GNG2: variants seen among roughly 807,000 people sequenced by gnomAD.
GNG2 encodes guanine nucleotide-binding protein G(I)/G(S)/G(O) subunit gamma-2.
A neutral mutation model predicts 5.5 loss-of-function variants in GNG2; 5 were observed. That is an observed-to-expected ratio of 0.91 (90% confidence interval 0.48 to 1.92). GNG2 has a LOEUF of 1.92. Ranked by LOEUF, GNG2 falls within the 30% of genes most tolerant of loss-of-function variation. The pLI is 0.01. For synonymous variants in GNG2, 28 were observed against 32.0 expected, an observed-to-expected ratio of 0.88 and a Z score of 0.42; for missense variants, 55 against 88.4, an observed-to-expected ratio of 0.62 and a Z score of 1.52.
At chr14:51,949,135 AAG>A (rs1888820890) in intron 2 of GNG2, among the ~76,000 whole-genome samples, 1 of 151,772 alleles carries the variant, frequency 6.6e-6, no homozygotes, top group Admixed American at 6.6e-5. Flanking sequence ...AAAAAAAAAA[AAG>A]AAAAGAAATT....
chr14:51,909,454 TCTTC>T (rs1886157527), intron 2 of GNG2, among the ~76,000 whole-genome samples: 1 of 152,210 alleles, frequency 6.6e-6, no homozygotes, highest in Non-Finnish European at 1.5e-5. Context: ...GCCAATAACC[TCTTC>T]CTTCTAAAAT....
intron 2 of GNG2, among the ~76,000 whole-genome samples, chr14:51,938,262 CAGTT>C (rs1376648070): frequency 2.0e-5 from 3 of 152,322 alleles, no homozygotes; most frequent in Non-Finnish European, 2.9e-5. Flanking sequence ...AATAGAGTCA[CAGTT>C]GGTTGTATCC....
At chr14:51,932,889 C>G (rs946918113) in intron 2 of GNG2, among the ~76,000 whole-genome samples, 1 of 149,692 alleles carries the variant, frequency 6.7e-6, no homozygotes, top group African/African-American at 2.5e-5. Flanking sequence ...CTAGATTATC[C>G]TGGGGGGTGG....
At chr14:51,861,095 A>G (rs908181251) in intron 1 of GNG2, among the ~76,000 whole-genome samples, 4 of 152,166 alleles carry the variant, frequency 2.6e-5, no homozygotes, top group African/African-American at 9.7e-5. Context: ...GGGGCTGTGA[A>G]GCTGTGGTCT....
At chr14:51,842,185 C>T (rs1881501807) in intron 2 of GNG2, among the ~76,000 whole-genome samples, 1 of 152,182 alleles carries the variant, frequency 6.6e-6, no homozygotes, top group South Asian at 2.1e-4. Context: ...AGATATGAGA[C>T]TATTGTCCTG....
Position 51,887,084 on chromosome 14 carries a change from A to C in GNG2, c.-30+9427A>C, listed in dbSNP as rs1019265828. ...CCCATGTTCAAATGGACCCAGATAC[A>C]ATGGTAGTATTTGGACAGAGTTCAG... On this transcript the variant is annotated intron_variant, in intron 2 of 3. Coordinates refer to ENST00000556766, the MANE Select transcript of GNG2 (RefSeq NM_053064.5). Among the ~76,000 whole-genome samples the C allele has an allele frequency of 2.6e-5, 4 of 152,214 alleles. No individual in the cohort carries two copies. The East Asian group carries it at 7.7e-4, about 29-fold the overall frequency.
At chr14:51,886,373 T>C (rs1476494325) in intron 2 of GNG2, among the ~76,000 whole-genome samples, 2 of 152,240 alleles carry the variant, frequency 1.3e-5, no homozygotes, top group African/African-American at 4.8e-5. Flanking sequence ...TAGCCATTGT[T>C]AATCTTTGCC....
intron 1 of GNG2, among the ~76,000 whole-genome samples, chr14:51,870,681 A>G (rs975825217): frequency 4.6e-5 from 7 of 152,248 alleles, no homozygotes; most frequent in African/African-American, 1.7e-4. Flanking sequence ...ATTTCTGATT[A>G]TGAGTTATTT....
At chr14:51,886,909 G>A (rs1884497197) in intron 2 of GNG2, among the ~76,000 whole-genome samples, 1 of 152,168 alleles carries the variant, frequency 6.6e-6, no homozygotes, top group African/African-American at 2.4e-5. Flanking sequence ...ATTTGGAGAG[G>A]CAAATGGAAG....
intron 2 of GNG2, among the ~76,000 whole-genome samples, chr14:51,848,202 A>C (rs1881727863): frequency 6.6e-6 from 1 of 151,958 alleles, no homozygotes; most frequent in African/African-American, 2.4e-5. Flanking sequence ...TGCCTTTACT[A>C]TTTGTCATCC....
chr14:51,848,094 T>C (rs1427707097), intron 2 of GNG2, among the ~76,000 whole-genome samples: 2 of 151,658 alleles, frequency 1.3e-5, no homozygotes, highest in Non-Finnish European at 2.9e-5. Flanking sequence ...CACTTTGGAG[T>C]CTTCCTCACC....
At chr14:51,835,970 T>C (rs1186306450) in intron 2 of GNG2, among the ~76,000 whole-genome samples, 13 of 151,896 alleles carry the variant, frequency 8.6e-5, no homozygotes, top group Admixed American at 6.6e-5. Context: ...CGGGATGCTA[T>C]ACAGAACACT....
chr14:51,905,777 C>T (rs895472322), intron 2 of GNG2, among the ~76,000 whole-genome samples: 1 of 152,032 alleles, frequency 6.6e-6, no homozygotes, highest in Admixed American at 6.5e-5. Flanking sequence ...TTTCCCCCAT[C>T]CTGTTGTTAT....
chr14:51,964,931 A>G (rs1384286052), intron 3 of GNG2, among the ~76,000 whole-genome samples: 1 of 152,224 alleles, frequency 6.6e-6, no homozygotes, highest in Admixed American at 6.5e-5. Flanking sequence ...TAATCAACTC[A>G]GCCCTGGGAC....
At chr14:51,938,639 C>T (rs1566700516) in intron 2 of GNG2, among the ~76,000 whole-genome samples, 2 of 152,152 alleles carry the variant, frequency 1.3e-5, no homozygotes, top group Non-Finnish European at 2.9e-5. Flanking sequence ...ACTATTATAC[C>T]TAGTGTCATT....
At chr14:51,917,927 GAGGC>G (rs1195757612) in intron 2 of GNG2, among the ~76,000 whole-genome samples, 1 of 151,830 alleles carries the variant, frequency 6.6e-6, no homozygotes, top group Non-Finnish European at 1.5e-5. Flanking sequence ...TCGGGAGGCT[GAGGC>G]AGGAGAATTG....
intron 1 of GNG2, among the ~76,000 whole-genome samples, chr14:51,876,636 A>T (rs1045771919): frequency 6.6e-6 from 1 of 152,008 alleles, no homozygotes; most frequent in African/African-American, 2.4e-5. Flanking sequence ...TGCTGTCATT[A>T]ATCATGAGAT....
At chr14:51,931,287 G>C (rs2357305) in intron 2 of GNG2, among the ~76,000 whole-genome samples, 54,007 of 151,708 alleles carry the variant, frequency 0.36, 10,887 homozygotes, top group Non-Finnish European at 0.45. Flanking sequence ...TAAGAAGACT[G>C]TCAAAGTTTT....
chr14:51,887,879 G>A (rs770260209), intron 2 of GNG2, among the ~76,000 whole-genome samples: 8 of 152,130 alleles, frequency 5.3e-5, no homozygotes, highest in African/African-American at 1.2e-4. Context: ...ATGTATACAC[G>A]TGTTGAAAAC....
Sources: gnomAD v4.1 joint callset for allele counts (sites outside exome capture counted in the v4.1 genomes callset) on GRCh38, gnomAD v4.1.1 for gene constraint, MANE v1.5 for transcripts, NCBI Gene and HGNC (gene_info 2026-07-23, HGNC 2026-07-21) for gene names.